DOK6: variants seen among roughly 807,000 people sequenced by gnomAD.
DOK6 encodes docking protein 6, also known as downstream of tyrosine kinase 6.
DOK6 carries 22 observed loss-of-function variants against 44.0 expected under a neutral mutation model. That is an observed-to-expected ratio of 0.50 (90% confidence interval 0.36 to 0.71). The LOEUF is 0.71. DOK6 is among the 30% of genes least tolerant of loss of function. The pLI, the probability that DOK6 is intolerant of heterozygous loss-of-function variation, is 0.00. For synonymous variants in DOK6, 166 were observed against 145.5 expected (o/e 1.14, Z -1.01); for missense variants, 340 against 416.4 (o/e 0.82, Z 1.60).
chr18:69,817,403 C>T (rs1272168021), intron 7 of DOK6, among the ~76,000 whole-genome samples: 1 of 152,144 alleles, frequency 6.6e-6, no homozygotes, highest in Non-Finnish European at 1.5e-5. Flanking sequence ...TTGCTCTACT[C>T]AGATTGTCAT....
intron 1 of DOK6, among the ~76,000 whole-genome samples, chr18:69,446,939 T>G (rs1226238163): frequency 2.6e-5 from 4 of 152,234 alleles, no homozygotes; most frequent in Non-Finnish European, 5.9e-5. Context: ...TTGAGTTCTT[T>G]GTAGATTCTG....
In DOK6 at chr18:69,677,762, C is replaced by T; in HGVS notation, c.318C>T (p.His106=). ...TGGAGGCCGAGGAGTGGTGCAAGCA[C>T]CTCTGCATGGAGTGTCTGGGGACCA... ...SELEAEEWCK[H]LCMECLGTRL... Residue 106 remains histidine, a synonymous_variant, in exon 4 of 8, where the codon CAC becomes CAT. Transcript: ENST00000382713. 2 of 1,613,718 alleles carry T rather than the reference C, an allele frequency of 1.2e-6. No individual in the cohort carries two copies. Among genetic ancestry groups the T allele is most frequent in the South Asian group, 2.2e-5 (2 of 91,082 alleles).
At chr18:69,638,795 A>G (rs4343384) in intron 3 of DOK6, among the ~76,000 whole-genome samples, 70,811 of 152,042 alleles carry the variant, frequency 0.47, 17,041 homozygotes, top group Middle Eastern at 0.62. Context: ...TTAAGAAAAT[A>G]TGTTAATGTA....
At chr18:69,519,661 G>C in intron 1 of DOK6, among the ~76,000 whole-genome samples, 1 of 151,956 alleles carries the variant, frequency 6.6e-6, no homozygotes, top group East Asian at 1.9e-4. Flanking sequence ...CTTTGGAGTG[G>C]AGACTAAAAT....
rs184609706 is a variant in DOK6, at chr18:69,581,168, G to C, written c.174+16574G>C. Among the ~76,000 whole-genome samples the C allele has an allele frequency of 3.9e-5, 6 of 152,244 alleles. No individual in the cohort carries two copies. The East Asian group carries it at 7.7e-4, about 20-fold the overall frequency. On this transcript the variant is annotated intron_variant, in intron 2 of 7. Transcript: ENST00000382713. ...GTCATATGACATGACCTAACTTAAG[G>C]CATGCATAGCAGGGGTTGGGGCATC...
chr18:69,738,807 C>T (rs1056462924), intron 5 of DOK6, among the ~76,000 whole-genome samples, 158 bp from the exon 6 acceptor site: 20 of 151,922 alleles, frequency 1.3e-4, no homozygotes, highest in Admixed American at 1.2e-3. Flanking sequence ...TATAAAGATG[C>T]ACTTTTTGGT....
intron 1 of DOK6, among the ~76,000 whole-genome samples, chr18:69,426,820 T>C (rs565158478): frequency 1.3e-5 from 2 of 152,194 alleles, no homozygotes; most frequent in Non-Finnish European, 2.9e-5. Flanking sequence ...TATTTGACTT[T>C]TTTGTACTCT....
At chr18:69,622,790 C>G (rs577329348) in intron 3 of DOK6, among the ~76,000 whole-genome samples, 1 of 152,152 alleles carries the variant, frequency 6.6e-6, no homozygotes, top group South Asian at 2.1e-4. Flanking sequence ...AAATGTGAAA[C>G]TTTAAAACAA....
chr18:69,787,560 A>G (rs1980469120), intron 7 of DOK6, among the ~76,000 whole-genome samples: 1 of 152,150 alleles, frequency 6.6e-6, no homozygotes, highest in Admixed American at 6.5e-5. Context: ...CCAGTGTGTG[A>G]AATCAATTGT....
chr18:69,532,282 G>A (rs1199267824), intron 1 of DOK6, among the ~76,000 whole-genome samples: 1 of 152,218 alleles, frequency 6.6e-6, no homozygotes, highest in Non-Finnish European at 1.5e-5. Flanking sequence ...TTCTGAGGAA[G>A]AGGAGCATTT....
At chr18:69,646,560 G>T (rs562437976) in intron 3 of DOK6, among the ~76,000 whole-genome samples, 1 of 152,104 alleles carries the variant, frequency 6.6e-6, no homozygotes, top group Non-Finnish European at 1.5e-5. Context: ...TGAGGGGCTC[G>T]CTGGGTTTAA....
chr18:69,648,493 T>C (rs1408790065), intron 3 of DOK6, among the ~76,000 whole-genome samples: 1 of 152,238 alleles, frequency 6.6e-6, no homozygotes, highest in Non-Finnish European at 1.5e-5. Context: ...AAAGGATGTA[T>C]TCACCATCCT....
At chr18:69,553,184 G>A (rs763561537) in intron 1 of DOK6, among the ~76,000 whole-genome samples, 2 of 152,106 alleles carry the variant, frequency 1.3e-5, no homozygotes, top group African/African-American at 2.4e-5. Flanking sequence ...ATTTCTGTTC[G>A]TAAGTCAATT....
In DOK6 at chr18:69,701,359, T is replaced by TA. The variant is rs1370990556; in HGVS notation, c.599+2769dup. On this transcript the variant is annotated intron_variant, in intron 5 of 7. Transcript: ENST00000382713. ...CCATAAGGATCATAACTTTGCATTTTAAAGGTAGAAACAACCAATTTGCCA... is the reference window on the plus strand; with the variant it reads ...CCATAAGGATCATAACTTTGCATTTTAAAAGGTAGAAACAACCAATTTGCCA... 4.6e-5 allele frequency among the ~76,000 whole-genome samples: 7 copies of TA among 152,342 alleles called. No individual in the cohort carries two copies. In the South Asian group the frequency reaches 1.4e-3, roughly 32 times the overall value.
intron 5 of DOK6, among the ~76,000 whole-genome samples, chr18:69,711,037 C>T (rs1465666874): frequency 6.6e-6 from 1 of 152,106 alleles, no homozygotes; most frequent in Non-Finnish European, 1.5e-5. Context: ...GTCTACAGTT[C>T]CAGAGAAATA....
At chr18:69,416,774 C>T (rs1484581316) in intron 1 of DOK6, among the ~76,000 whole-genome samples, 5 of 152,138 alleles carry the variant, frequency 3.3e-5, no homozygotes, top group Non-Finnish European at 7.4e-5. Flanking sequence ...CAGCACAAAT[C>T]CAAGGGACTG....
At chr18:69,832,144 T>G (rs1171263577) in intron 7 of DOK6, among the ~76,000 whole-genome samples, 1 of 152,194 alleles carries the variant, frequency 6.6e-6, no homozygotes, top group African/African-American at 2.4e-5. Context: ...TTTTCCCCAT[T>G]CAGTATGATA....
intron 1 of DOK6, among the ~76,000 whole-genome samples, chr18:69,556,055 T>C (rs1368765622): frequency 6.6e-6 from 1 of 152,212 alleles, no homozygotes; most frequent in South Asian, 2.1e-4. Flanking sequence ...CATTTTGCTT[T>C]GAAGTAGACT....
intron 1 of DOK6, among the ~76,000 whole-genome samples, chr18:69,467,764 G>T (rs1309608315): frequency 6.6e-6 from 1 of 152,128 alleles, no homozygotes; most frequent in Non-Finnish European, 1.5e-5. Flanking sequence ...TGAGGAGTTT[G>T]TGTAAATACG....
Sources: gnomAD v4.1 joint callset for allele counts (sites outside exome capture counted in the v4.1 genomes callset) on GRCh38, gnomAD v4.1.1 for gene constraint, MANE v1.5 for transcripts, NCBI Gene and HGNC (gene_info 2026-07-23, HGNC 2026-07-21) for gene names.